The following ABCA13 variants were observed in gnomAD, a reference collection of about 807,000 sequenced individuals.
The protein encoded by ABCA13 is ATP-binding cassette sub-family A member 13.
Under a neutral mutation model 478.7 loss-of-function variants are expected in ABCA13, and 476 were observed. That is an observed-to-expected ratio of 0.99 (90% CI 0.92 to 1.07). ABCA13 has a LOEUF of 1.07. Among genes scored for constraint, ABCA13 ranks in the 50% least tolerant of loss-of-function variants. The pLI is 0.00. For synonymous variants in ABCA13, 2,252 were observed against 2,158.9 expected, an observed-to-expected ratio of 1.04 and a Z score of -1.20; for missense variants, 6,060 against 5,910.6, an observed-to-expected ratio of 1.03 and a Z score of -0.83.
In ABCA13 at chr7:48,577,760, C is replaced by G. The variant is rs575679778; in HGVS notation, c.14355-2464C>G. 4.6e-5 allele frequency among the ~76,000 whole-genome samples: 7 copies of G among 152,120 alleles called. No homozygotes were observed. In the South Asian group the frequency reaches 1.4e-3, roughly 32 times the overall value. ...GCATTATCATAATACTGAAACCAGA[C>G]AAGGGCATTACAAGAAAGGAAAACT... On this transcript the variant is annotated intron_variant, in intron 55 of 61. Transcript: ENST00000435803.
intron 52 of ABCA13, among the ~76,000 whole-genome samples, chr7:48,519,500 G>C (rs1427863976): frequency 6.6e-6 from 1 of 152,196 alleles, no homozygotes; most frequent in Non-Finnish European, 1.5e-5. Context: ...CAGTTTATAT[G>C]ATGACACATT....
At chr7:48,572,303 TTTTA>T (rs1307217200) in intron 55 of ABCA13, among the ~76,000 whole-genome samples, 4 of 152,220 alleles carry the variant, frequency 2.6e-5, no homozygotes, top group African/African-American at 9.6e-5. Context: ...AATTTTTGAC[TTTTA>T]TTTATTTATT....
rs569880730 is a variant in ABCA13, at chr7:48,309,207, A to C, written c.9322-740A>C. 4.6e-5 allele frequency among the ~76,000 whole-genome samples: 7 copies of C among 152,168 alleles called. 2 individuals carry two copies. The highest frequency in any genetic ancestry group is 1.7e-4 in the African/African-American group (7 of 41,502). On this transcript the variant is annotated intron_variant, in intron 23 of 61. Coordinates refer to ENST00000435803, the MANE Select transcript of ABCA13 (RefSeq NM_152701.5). ...GCATGGTTCCTATTCACATAGGTTC[A>C]TGCACTTCGGCCTCAGTTGGCCTGA...
In ABCA13 at chr7:48,279,472, G is replaced by A; in HGVS notation, c.8278G>A (p.Val2760Met). ...LKKDNWNVSN[V>M]LMTFTQHPNN... ...GAAAGATAATTGGAATGTTTCTAAT[G>A]TGTTGATGACATTTACTCAGCATCC... The change falls in exon 18 of 62, where the codon GTG (valine) becomes ATG (methionine). Residue 2760 changes from valine (V) to methionine (M), a missense_variant. Around this residue, in one of 3 missense-constraint regions of ABCA13, gnomAD observed 4,423 missense variants for 4,309.1 expected, o/e 1.03. Coordinates refer to ENST00000435803, the MANE Select transcript of ABCA13 (RefSeq NM_152701.5). The A allele has an allele frequency of 6.2e-7, 1 of 1,611,402 alleles. No homozygotes were observed. The highest frequency in any genetic ancestry group is 8.5e-7 in the Non-Finnish European group (1 of 1,178,394).
chr7:48,204,273 G>A (rs1042423377), intron 3 of ABCA13, among the ~76,000 whole-genome samples: 2 of 151,196 alleles, frequency 1.3e-5, no homozygotes, highest in African/African-American at 4.9e-5. Flanking sequence ...GCAGTGGTGC[G>A]ATCTCGGCTC....
At chr7:48,291,562 G>T (rs1404781557) in intron 20 of ABCA13, among the ~76,000 whole-genome samples, 1 of 152,124 alleles carries the variant, frequency 6.6e-6, no homozygotes, top group Non-Finnish European at 1.5e-5. Context: ...GCTCAATCCA[G>T]TTGGATCCTG....
At chr7:48,437,799 G>A (rs1031302663) in intron 42 of ABCA13, among the ~76,000 whole-genome samples, 2 of 151,964 alleles carry the variant, frequency 1.3e-5, no homozygotes, top group African/African-American at 4.8e-5. Context: ...CTGGGGTAAC[G>A]GCTTATGGTC....
At chr7:48,585,978 A>G (rs1211001039) in intron 56 of ABCA13, among the ~76,000 whole-genome samples, 1 of 152,218 alleles carries the variant, frequency 6.6e-6, no homozygotes, top group African/African-American at 2.4e-5. Context: ...TACAGTGGGA[A>G]ATGCTAAATA....
chr7:48,398,096 G>T (rs1817095168), intron 38 of ABCA13, among the ~76,000 whole-genome samples: 1 of 152,154 alleles, frequency 6.6e-6, no homozygotes, highest in African/African-American at 2.4e-5. Flanking sequence ...TCTTAAATTT[G>T]AGTGGGTACT....
At chr7:48,609,463 C>T (rs1791802305) in intron 58 of ABCA13, among the ~76,000 whole-genome samples, 1 of 152,110 alleles carries the variant, frequency 6.6e-6, no homozygotes, top group African/African-American at 2.4e-5. Context: ...TGGACATTTT[C>T]CCCTGAATTT....
At chr7:48,202,020 G>A (rs999529241) in intron 3 of ABCA13, among the ~76,000 whole-genome samples, 6 of 152,138 alleles carry the variant, frequency 3.9e-5, no homozygotes, top group African/African-American at 1.4e-4. Context: ...CTCCCGGTGG[G>A]CTCGTGGTCT....
Position 48,273,809 on chromosome 7 carries a change from A to AT in ABCA13, c.4147dup (p.Ser1383PhefsTer3), listed in dbSNP as rs913150151. 6.2e-7 allele frequency: 1 copy of AT among 1,611,688 alleles called. No individual in the cohort carries two copies. Among genetic ancestry groups the AT allele is most frequent in the Non-Finnish European group, 8.5e-7 (1 of 1,178,752 alleles). ...GTATTCTAGACACGTTAAATTCCAC[A>AT]TTTTCCTCTGAGAACACAATTAGCA... On this transcript the variant is annotated frameshift_variant, in exon 17 of 62. Coordinates refer to ENST00000435803, the MANE Select transcript of ABCA13 (RefSeq NM_152701.5). LOFTEE classifies it high-confidence loss of function.
chr7:48,318,520 T>A lies in ABCA13; in HGVS notation c.9999+1224T>A, dbSNP rs1036585066. On this transcript the variant is annotated intron_variant, in intron 27 of 61. Coordinates refer to ENST00000435803, the MANE Select transcript of ABCA13 (RefSeq NM_152701.5). ...CCTGCTAACTTTTTAGTTTTTTTTT[T>A]TTTTTGTAGAGGCATAGTCTTGTCT... Among the ~76,000 whole-genome samples the A allele has an allele frequency of 6.3e-4, 95 of 151,280 alleles. 5 individuals are homozygous for A. Among genetic ancestry groups the A allele is most frequent in the African/African-American group, 2.2e-3 (91 of 41,280 alleles).
At chr7:48,544,729 C>G (rs1478253962) in intron 55 of ABCA13, among the ~76,000 whole-genome samples, 2 of 151,808 alleles carry the variant, frequency 1.3e-5, no homozygotes, top group African/African-American at 4.8e-5. Flanking sequence ...TTCTGTGAGC[C>G]ATTCTAGCAA....
chr7:48,231,595 T>C (rs1430493378), intron 7 of ABCA13, among the ~76,000 whole-genome samples: 2 of 151,938 alleles, frequency 1.3e-5, no homozygotes, highest in Non-Finnish European at 2.9e-5. Flanking sequence ...GTTCTGGGGT[T>C]CAGGATCCTG....
In ABCA13 at chr7:48,647,172, T is replaced by C. The variant is rs1239962538; in HGVS notation, c.*1660T>C. The C allele has an allele frequency of 6.6e-6, 1 of 152,236 alleles. No individual in the cohort carries two copies. Among genetic ancestry groups the C allele is most frequent in the East Asian group, 1.9e-4 (1 of 5,202 alleles). The allele number at this position is 152,236 out of a possible 1,614,324, so 9.4% of individuals were successfully genotyped here. ...AAGGCATATACTTCCTTATGAGATT[T>C]CTTTACTAAAGCAAGATTTCATTAA... On this transcript the variant is annotated 3_prime_UTR_variant, in exon 62 of 62. Coordinates refer to ENST00000435803, the MANE Select transcript of ABCA13 (RefSeq NM_152701.5).
chr7:48,396,419 A>G (rs1045288749), intron 38 of ABCA13, among the ~76,000 whole-genome samples: 5 of 152,190 alleles, frequency 3.3e-5, no homozygotes, highest in African/African-American at 7.2e-5. Flanking sequence ...GAGTGATCTC[A>G]TTCAAGTGTC....
chr7:48,389,139 T>C lies in ABCA13; in HGVS notation c.11573T>C (p.Val3858Ala). ...TKEYEGHKAV[V>A]QDLSLTFYRD... ...GAATATGAGGGCCACAAGGCTGTGGTCCAAGACCTCAGCCTGACCTTCTAC... is the reference window on the plus strand; with the variant it reads ...GAATATGAGGGCCACAAGGCTGTGGCCCAAGACCTCAGCCTGACCTTCTAC... Residue 3858 changes from valine to alanine, a missense_variant, in exon 37 of 62, where the codon GTC becomes GCC. Around this residue, in one of 3 missense-constraint regions of ABCA13, gnomAD observed 1,627 missense variants for 1,571.0 expected, o/e 1.04. Transcript: ENST00000435803. 6.2e-7 allele frequency: 1 copy of C among 1,613,924 alleles called. No individual in the cohort carries two copies. The highest frequency in any genetic ancestry group is 8.5e-7 in the Non-Finnish European group (1 of 1,179,866).
intron 38 of ABCA13, among the ~76,000 whole-genome samples, chr7:48,396,178 C>T (rs1816804347): frequency 6.6e-6 from 1 of 152,232 alleles, no homozygotes; most frequent in African/African-American, 2.4e-5. Flanking sequence ...ATCCTGAGAT[C>T]CTTCAAGGAC....
Sources: allele counts gnomAD v4.1 joint callset (sites outside exome capture counted in the v4.1 genomes callset), GRCh38; gene constraint gnomAD v4.1.1; regional missense constraint gnomAD v4.1.1; transcripts MANE v1.5; gene names NCBI Gene and HGNC (gene_info 2026-07-23, HGNC 2026-07-21).